ZC4H2: variants seen among roughly 807,000 people sequenced by gnomAD.
ZC4H2 encodes zinc finger C4H2 domain-containing protein.
For missense variants in ZC4H2, 137 were observed against 173.9 expected (o/e 0.79, Z 1.19); for synonymous variants, 84 against 66.3 (o/e 1.27, Z -1.30).
intron 1 of ZC4H2, among the ~76,000 whole-genome samples, chrX:65,008,662 A>G (rs919279513): frequency 1.8e-5 from 2 of 112,409 alleles, no homozygotes; most frequent in African/African-American, 6.5e-5. Context: ...GTTATTTGCA[A>G]CAACCTGGAT....
rs762861533 is a variant in ZC4H2 at position 65,021,153 on chromosome X, C to T, written c.-272+13476G>A. 1.2e-4 allele frequency among the ~76,000 whole-genome samples: 13 copies of T among 110,792 alleles called. 1 individual carries two copies. The highest frequency in any genetic ancestry group is 2.7e-4 in the African/African-American group (8 of 29,922). On this transcript the variant is annotated intron_variant, in intron 1 of 4. Coordinates refer to the ZC4H2 transcript ENST00000337990. ...ATTAACAAGGATATCCAGGATTGAACTCAGCTCTGGACCAAGTGGACCTAA... is the reference window on the plus strand; with the variant it reads ...ATTAACAAGGATATCCAGGATTGAATTCAGCTCTGGACCAAGTGGACCTAA...
intron 1 of ZC4H2, among the ~76,000 whole-genome samples, chrX:64,988,232 T>C (rs950029734): frequency 1.8e-5 from 2 of 111,182 alleles, no homozygotes; most frequent in Non-Finnish European, 3.8e-5. Context: ...TGATTTATAA[T>C]CCTTTGGGTA....
At chrX:64,954,087 A>T (rs1185708257) in intron 1 of ZC4H2, among the ~76,000 whole-genome samples, 2 of 105,699 alleles carry the variant, frequency 1.9e-5, no homozygotes, top group Non-Finnish European at 3.8e-5. Flanking sequence ...CAAACACTGC[A>T]TGTTCTCACT....
At chrX:64,994,587 G>A (rs747235427) in intron 1 of ZC4H2, among the ~76,000 whole-genome samples, 1 of 111,587 alleles carries the variant, frequency 9.0e-6, no homozygotes, top group Non-Finnish European at 1.9e-5. Context: ...TGAACTTCAT[G>A]GTTGAAAGTC....
At chrX:65,010,735 A>T (rs185547407) in intron 1 of ZC4H2, among the ~76,000 whole-genome samples, 29 of 112,249 alleles carry the variant, frequency 2.6e-4, no homozygotes, top group Non-Finnish European at 4.1e-4. Context: ...TAGGGAAAAG[A>T]CCACATGTTC....
At chrX:64,957,983 G>T (rs1427415944) in intron 1 of ZC4H2, among the ~76,000 whole-genome samples, 1 of 112,197 alleles carries the variant, frequency 8.9e-6, no homozygotes, top group Non-Finnish European at 1.9e-5. Flanking sequence ...CCACTGGAAA[G>T]TCTTCAAGGA....
In ZC4H2 at chrX:64,916,574, C is replaced by T. The variant is rs1928935422; in HGVS notation, c.*1209G>A. The T allele has an allele frequency of 8.9e-6, 1 of 111,812 alleles. No homozygotes were observed. The highest frequency in any genetic ancestry group is 3.3e-5 in the African/African-American group (1 of 30,715). 9.2% of individuals were successfully genotyped at this position (111,812 alleles called of 1,213,427 possible). ...TTAAGGAAGGAAAAATATCCCCCTCCCCAGCCAGGTACTGAGACCTGGGGC... is the reference window on the plus strand; with the variant it reads ...TTAAGGAAGGAAAAATATCCCCCTCTCCAGCCAGGTACTGAGACCTGGGGC... On this transcript the variant is annotated 3_prime_UTR_variant, in exon 5 of 5. Coordinates refer to ENST00000374839, the MANE Select transcript of ZC4H2 (RefSeq NM_018684.4).
At chrX:65,021,991 C>T (rs1042871222) in intron 1 of ZC4H2, among the ~76,000 whole-genome samples, 2 of 111,733 alleles carry the variant, frequency 1.8e-5, no homozygotes, top group Non-Finnish European at 3.8e-5. Flanking sequence ...AGTCGAATCC[C>T]TGAATATATC....
intron 1 of ZC4H2, among the ~76,000 whole-genome samples, chrX:64,950,549 A>G (rs1311765581): frequency 1.8e-5 from 2 of 111,246 alleles, no homozygotes; most frequent in East Asian, 5.7e-4. Flanking sequence ...GGGTGCATAT[A>G]TATTTAGGAT....
intron 1 of ZC4H2, among the ~76,000 whole-genome samples, chrX:64,935,635 G>A (rs1929968168): frequency 8.9e-6 from 1 of 112,188 alleles, no homozygotes. Context: ...AGAACAGGCA[G>A]CAATCGTTGC....
At chrX:64,943,425 G>A (rs1415072108) in intron 1 of ZC4H2, among the ~76,000 whole-genome samples, 2 of 111,593 alleles carry the variant, frequency 1.8e-5, no homozygotes, top group African/African-American at 6.5e-5. Context: ...AACATTGAGA[G>A]TGGGGTGTTA....
At chrX:65,023,033 C>A (rs189238028) in intron 1 of ZC4H2, among the ~76,000 whole-genome samples, 1 of 111,670 alleles carries the variant, frequency 9.0e-6, no homozygotes, top group Non-Finnish European at 1.9e-5. Context: ...TGTTTTGGTA[C>A]CAGTACCATC....
intron 1 of ZC4H2, among the ~76,000 whole-genome samples, chrX:64,936,104 GCACAAGAACTTCGTGAAGCATA>G (rs1338512723): frequency 9.1e-6 from 1 of 109,533 alleles, no homozygotes; most frequent in Non-Finnish European, 1.9e-5. Context: ...AAAAACCATG[GCACAAGAACTTCGTGAAGCATA>G]CACAAGAATC....
chrX:64,931,141 G>T (rs1333462183), intron 1 of ZC4H2, among the ~76,000 whole-genome samples: 31 of 111,627 alleles, frequency 2.8e-4, no homozygotes, highest in Non-Finnish European at 1.3e-4. Context: ...TCTAGTTTGT[G>T]TGTGAAAAGG....
chrX:64,969,513 T>G (rs1180747873), intron 1 of ZC4H2, among the ~76,000 whole-genome samples: 6 of 111,852 alleles, frequency 5.4e-5, no homozygotes, highest in Non-Finnish European at 1.1e-4. Flanking sequence ...GTTGAGGGGA[T>G]GATGAGAAGT....
chrX:64,968,178 T>TATCAAAA (rs2147412200), intron 1 of ZC4H2, among the ~76,000 whole-genome samples: 1 of 112,341 alleles, frequency 8.9e-6, no homozygotes, highest in Admixed American at 9.4e-5. Context: ...ATTAGGCACT[T>TATCAAAA]TTTATGCTAT....
At chrX:64,946,251 A>G (rs990270921) in intron 1 of ZC4H2, among the ~76,000 whole-genome samples, 1 of 111,871 alleles carries the variant, frequency 8.9e-6, no homozygotes, top group African/African-American at 3.2e-5. Context: ...GTACAGGTCC[A>G]TGAGGGAATC....
intron 1 of ZC4H2, among the ~76,000 whole-genome samples, chrX:64,924,728 G>A (rs778918790): frequency 2.7e-5 from 3 of 111,095 alleles, no homozygotes; most frequent in Non-Finnish European, 5.7e-5. Context: ...AGAATAGCAT[G>A]AGTAATGGCC....
intron 1 of ZC4H2, among the ~76,000 whole-genome samples, chrX:64,935,456 A>C (rs750343848): frequency 8.9e-6 from 1 of 112,335 alleles, no homozygotes; most frequent in Non-Finnish European, 1.9e-5. Context: ...ACCTCCCAGC[A>C]CAGCATTCAA....
Sources: gnomAD v4.1 joint callset for allele counts (sites outside exome capture counted in the v4.1 genomes callset) on GRCh38, gnomAD v4.1.1 for gene constraint, MANE v1.5 for transcripts, NCBI Gene and HGNC (gene_info 2026-07-23, HGNC 2026-07-21) for gene names.